Variants in IGSF11 observed in about 807,000 individuals in gnomAD.
IGSF11 encodes the protein immunoglobulin superfamily member 11.
In IGSF11, 22 loss-of-function variants were observed where a neutral mutation model predicts 41.0. That is an observed-to-expected ratio of 0.54 (90% CI 0.38 to 0.77). IGSF11 has a LOEUF of 0.77. IGSF11 is among the 30% of genes least tolerant of loss of function. IGSF11 has a pLI of 0.00. For missense variants in IGSF11, 444 were observed against 530.8 expected (o/e 0.84, Z 1.61); for synonymous variants, 219 against 201.3 (o/e 1.09, Z -0.74).
chr3:119,065,763 A>G (rs1399256264), intron 1 of IGSF11, among the ~76,000 whole-genome samples: 1 of 141,898 alleles, frequency 7.0e-6, no homozygotes, highest in Non-Finnish European at 1.5e-5. Flanking sequence ...ACTGCACTCC[A>G]GCCTGGGTGA....
At chr3:118,926,338 A>T (rs1158756873) in intron 3 of IGSF11, 82 bp from the exon 4 acceptor site, 19 of 1,149,760 alleles carry the variant, frequency 1.7e-5, no homozygotes, top group Non-Finnish European at 2.3e-5. Context: ...CATTCAGTAC[A>T]TTGGACCCTT....
At chr3:119,130,199 G>C (rs1017912482) in intron 1 of IGSF11, among the ~76,000 whole-genome samples, 1 of 152,114 alleles carries the variant, frequency 6.6e-6, no homozygotes, top group Non-Finnish European at 1.5e-5. Context: ...GTCTCACTGG[G>C]ACTGGTTGGA....
chr3:118,993,717 C>A (rs746654489), intron 1 of IGSF11, among the ~76,000 whole-genome samples: 2 of 152,070 alleles, frequency 1.3e-5, no homozygotes, highest in Non-Finnish European at 2.9e-5. Flanking sequence ...CATGGATGAA[C>A]CTTGAAAACA....
At chr3:118,920,202 T>G (rs1313630089) in intron 4 of IGSF11, among the ~76,000 whole-genome samples, 1 of 150,434 alleles carries the variant, frequency 6.6e-6, no homozygotes, top group East Asian at 2.0e-4. Context: ...ATGGCACATG[T>G]ATACATATGT....
intron 1 of IGSF11, among the ~76,000 whole-genome samples, chr3:119,018,985 G>A (rs1383721721): frequency 6.6e-6 from 1 of 152,174 alleles, no homozygotes; most frequent in Non-Finnish European, 1.5e-5. Context: ...GAGCACCTCA[G>A]TATCAGAAAA....
intron 1 of IGSF11, among the ~76,000 whole-genome samples, chr3:118,997,035 A>G (rs11923277): frequency 0.072 from 10,940 of 151,718 alleles, 698 homozygotes; most frequent in African/African-American, 0.17. Context: ...GGATTCTTGG[A>G]TTTGAGGTGT....
chr3:119,041,092 T>C (rs751093357), intron 1 of IGSF11, among the ~76,000 whole-genome samples: 1 of 152,060 alleles, frequency 6.6e-6, no homozygotes, highest in Non-Finnish European at 1.5e-5. Context: ...CTTAAGAATT[T>C]TGATAAAATA....
At chr3:119,120,325 C>A (rs769052695) in intron 1 of IGSF11, among the ~76,000 whole-genome samples, 17 of 152,204 alleles carry the variant, frequency 1.1e-4, no homozygotes, top group Non-Finnish European at 2.5e-4. Flanking sequence ...TACACTACAA[C>A]ACAGCAAGGA....
At chr3:119,065,024 G>A (rs1399512052) in intron 1 of IGSF11, among the ~76,000 whole-genome samples, 1 of 151,982 alleles carries the variant, frequency 6.6e-6, no homozygotes, top group Non-Finnish European at 1.5e-5. Flanking sequence ...TGTACTTCCT[G>A]AGACCTCCAG....
At chr3:119,045,351 A>T (rs1941289734) in intron 1 of IGSF11, among the ~76,000 whole-genome samples, 1 of 152,228 alleles carries the variant, frequency 6.6e-6, no homozygotes, top group African/African-American at 2.4e-5. Flanking sequence ...GGGGTCAGGG[A>T]GTTCCCTTTC....
At chr3:118,926,062 T>G (rs757403048) in intron 4 of IGSF11, 39 bp downstream of exon 4, 1 of 1,384,056 alleles carries the variant, frequency 7.2e-7, no homozygotes, top group Admixed American at 2.3e-5. Flanking sequence ...GAATTGTCCA[T>G]GATAACTAAT....
intron 1 of IGSF11, among the ~76,000 whole-genome samples, chr3:119,040,836 G>A (rs182772238): frequency 4.1e-4 from 63 of 152,248 alleles, no homozygotes; most frequent in Non-Finnish European, 7.4e-4. Context: ...GACCACAATG[G>A]TATTAAGGTA....
chr3:118,902,448 C>CG lies in IGSF11; in HGVS notation c.*71_*72insC. 6.9e-6 allele frequency: 3 copies of CG among 433,714 alleles called. No individual in the cohort carries two copies. The highest frequency in any genetic ancestry group is 1.4e-5 in the Non-Finnish European group (3 of 215,194). 26.9% of individuals were successfully genotyped at this position (433,714 alleles called of 1,614,324 possible). A position where few individuals can be genotyped will look rare whatever the true frequency, so the allele number is the denominator to read the frequency against. ...AAGGAAGTGTTTCTTTCCCAGCACT[C>CG]CCCACCCCACCCTCCCCCTTGTATG... On this transcript the variant is annotated 3_prime_UTR_variant, in exon 7 of 7. Transcript: ENST00000393775.
chr3:118,929,258 T>C (rs1010024058), intron 2 of IGSF11, among the ~76,000 whole-genome samples: 1 of 152,246 alleles, frequency 6.6e-6, no homozygotes, highest in Non-Finnish European at 1.5e-5. Flanking sequence ...GACTCAGTTC[T>C]ATTCAAGCTC....
At chr3:119,067,284 G>A (rs970348494) in intron 1 of IGSF11, among the ~76,000 whole-genome samples, 2 of 152,156 alleles carry the variant, frequency 1.3e-5, no homozygotes, top group African/African-American at 4.8e-5. Flanking sequence ...TAAAAGTCAA[G>A]TCTACCTCTG....
At chr3:119,120,065 G>A (rs9879559) in intron 1 of IGSF11, among the ~76,000 whole-genome samples, 2,548 of 152,276 alleles carry the variant, frequency 0.017, 75 homozygotes, top group African/African-American at 0.058. Context: ...ATTCGTCTCT[G>A]ACTGACCTTG....
At chr3:118,907,731 T>G (rs1273413020) in intron 4 of IGSF11, among the ~76,000 whole-genome samples, 1 of 152,184 alleles carries the variant, frequency 6.6e-6, no homozygotes, top group Non-Finnish European at 1.5e-5. Flanking sequence ...AAAAAAGCTA[T>G]GAAATTTGTC....
At chr3:119,045,879 G>C (rs1410442935) in intron 1 of IGSF11, among the ~76,000 whole-genome samples, 2 of 151,956 alleles carry the variant, frequency 1.3e-5, no homozygotes, top group Non-Finnish European at 2.9e-5. Context: ...CCCCAGCAGG[G>C]GCACAGTGAC....
intron 1 of IGSF11, among the ~76,000 whole-genome samples, chr3:119,047,028 G>T (rs1289686194): frequency 6.8e-6 from 1 of 146,322 alleles, no homozygotes; most frequent in Non-Finnish European, 1.5e-5. Context: ...ACCGGTACCA[G>T]CCGCTGCAAA....
Sources: allele counts gnomAD v4.1 joint callset (sites outside exome capture counted in the v4.1 genomes callset), GRCh38; gene constraint gnomAD v4.1.1; transcripts MANE v1.5; gene names NCBI Gene and HGNC (gene_info 2026-07-23, HGNC 2026-07-21).